The following CDC5L variants were observed in gnomAD, a reference collection of about 807,000 sequenced individuals.
CDC5L encodes cell division cycle 5-like protein.
In CDC5L, 18 loss-of-function variants were observed where a neutral mutation model predicts 104.1. The ratio of observed to expected loss-of-function variants is 0.17; its 90% CI spans 0.12 to 0.26. The LOEUF (loss-of-function observed/expected upper bound fraction) is 0.26. Ranked by LOEUF, CDC5L falls within the 10% of genes least tolerant of loss-of-function variation. CDC5L has a pLI of 1.00. For synonymous variants in CDC5L, 331 were observed against 322.7 expected, an observed-to-expected ratio of 1.03 and a Z score of -0.28; for missense variants, 673 against 956.9, an observed-to-expected ratio of 0.70 and a Z score of 3.91.
intron 14 of CDC5L, among the ~76,000 whole-genome samples, chr6:44,431,600 C>T (rs1238610975): frequency 6.6e-6 from 1 of 152,006 alleles, no homozygotes; most frequent in Non-Finnish European, 1.5e-5. Flanking sequence ...ACATTTTGTG[C>T]TTTTTTAAAT....
At chr6:44,393,596 T>G (rs1307952989) in intron 4 of CDC5L, 23 bp downstream of exon 4, 1 of 1,602,650 alleles carries the variant, frequency 6.2e-7, no homozygotes, top group Admixed American at 1.7e-5. Context: ...TTTGAGGAAT[T>G]TATTTCTTTG....
At position 44,396,357 on chromosome 6, in the gene CDC5L, T is replaced by C. The variant is rs1383297656; in HGVS notation, c.456T>C (p.Leu152=). 2.5e-6 allele frequency: 4 copies of C among 1,607,758 alleles called. No homozygotes were observed. The highest frequency in any genetic ancestry group is 3.4e-6 in the Non-Finnish European group (4 of 1,177,848). ...IDMDEDELEM[L]SEARARLANT... is the part of the protein sequence containing the mutation. Reference sequence around the variant, plus strand: ...TTTTTGCAGATGAACTTGAGATGCTTTCTGAAGCCAGAGCCCGCTTGGCTA... The same window carrying C: ...TTTTTGCAGATGAACTTGAGATGCTCTCTGAAGCCAGAGCCCGCTTGGCTA... The change falls in exon 5 of 16, where the codon CTT becomes CTC. Residue 152 remains leucine (L), a synonymous_variant. Transcript: ENST00000371477.
Position 44,393,496 on chromosome 6 carries a change from G to C in CDC5L, c.362G>C (p.Arg121Pro), listed in dbSNP as rs1266569848. ...GAAGAGGAAACAACAGATGATCCAC[G>C]AAAACTTAAACCTGGAGAAATAGAT... Reference protein sequence around the residue: ...DNEEETTDDPRKLKPGEIDPN... With the variant: ...DNEEETTDDPPKLKPGEIDPN... Residue 121 changes from arginine to proline, a missense_variant, in exon 4 of 16, where the codon CGA (arginine) becomes CCA (proline). Physicochemically the swap from Arg to Pro is moderately radical, Grantham distance 103. Around this residue, in one of 4 missense-constraint regions of CDC5L, gnomAD observed 74 missense variants for 123.5 expected, o/e 0.60. Transcript: ENST00000371477. 22 of 1,613,944 alleles carry C rather than the reference G, an allele frequency of 1.4e-5. No individual in the cohort carries two copies. The highest frequency in any genetic ancestry group is 1.9e-5 in the Non-Finnish European group (22 of 1,179,936).
chr6:44,409,337 A>T (rs1224158589), intron 8 of CDC5L, among the ~76,000 whole-genome samples: 1 of 152,180 alleles, frequency 6.6e-6, no homozygotes, highest in African/African-American at 2.4e-5. Context: ...GTAGAATTTG[A>T]CATTTGGCTT....
intron 8 of CDC5L, among the ~76,000 whole-genome samples, chr6:44,412,751 C>G (rs931615469): frequency 6.6e-6 from 1 of 150,820 alleles, no homozygotes; most frequent in Non-Finnish European, 1.5e-5. Flanking sequence ...AGTTGTATAA[C>G]CATCACCACA....
chr6:44,401,882 C>T (rs910468811), intron 5 of CDC5L, among the ~76,000 whole-genome samples: 1 of 145,144 alleles, frequency 6.9e-6, no homozygotes, highest in African/African-American at 2.5e-5. Flanking sequence ...TCAGTTCCCA[C>T]CTATGAGTGA....
intron 7 of CDC5L, 84 bp downstream of exon 7, chr6:44,406,551 C>T (rs1791372539): frequency 1.6e-6 from 2 of 1,231,538 alleles, no homozygotes; most frequent in African/African-American, 1.5e-5. Context: ...GGCCTGTGTA[C>T]CAGGTTTGTG....
At chr6:44,442,624 T>G (rs1357871878) in intron 14 of CDC5L, among the ~76,000 whole-genome samples, 1 of 152,190 alleles carries the variant, frequency 6.6e-6, no homozygotes, top group Non-Finnish European at 1.5e-5. Flanking sequence ...GATGTTATAC[T>G]TAAAATTTTT....
chr6:44,436,943 T>G (rs979396963), intron 14 of CDC5L, among the ~76,000 whole-genome samples: 1 of 152,240 alleles, frequency 6.6e-6, no homozygotes, highest in Non-Finnish European at 1.5e-5. Flanking sequence ...GAACTTCATT[T>G]TATTTAAGAC....
chr6:44,424,002 G>A (rs1324161320), intron 10 of CDC5L, among the ~76,000 whole-genome samples: 1 of 152,090 alleles, frequency 6.6e-6, no homozygotes, highest in South Asian at 2.1e-4. Flanking sequence ...TTTTTGGTTG[G>A]TCTTAATGTT....
chr6:44,430,020 C>A, intron 14 of CDC5L, 110 bp downstream of exon 14: 1 of 759,014 alleles, frequency 1.3e-6, no homozygotes, highest in Non-Finnish European at 2.1e-6. Context: ...TGCTTATTGC[C>A]TTTTTAGTTG....
At chr6:44,408,754 T>A in intron 8 of CDC5L, 122 bp downstream of exon 8, 2 of 566,052 alleles carry the variant, frequency 3.5e-6, no homozygotes, top group Non-Finnish European at 6.0e-6. Flanking sequence ...AACTGAGTCC[T>A]GAATGCATAG....
intron 14 of CDC5L, among the ~76,000 whole-genome samples, chr6:44,439,215 A>G (rs1256604490): frequency 6.6e-6 from 1 of 152,132 alleles, no homozygotes; most frequent in Admixed American, 6.5e-5. Flanking sequence ...GTACCATTCC[A>G]TTGTGTGGAT....
intron 5 of CDC5L, among the ~76,000 whole-genome samples, chr6:44,403,408 G>A (rs926861562): frequency 1.4e-5 from 2 of 142,424 alleles, no homozygotes; most frequent in African/African-American, 5.2e-5. Flanking sequence ...CCTACTATTT[G>A]CCTTTTAATT....
intron 1 of CDC5L, 74 bp downstream of exon 1, chr6:44,387,942 G>T (rs1561965056): frequency 2.1e-6 from 3 of 1,448,730 alleles, no homozygotes; most frequent in Non-Finnish European, 1.9e-6. Context: ...GCGGAGGTCG[G>T]GGGGGCGACG....
chr6:44,393,380 G>A (rs1383995641), intron 3 of CDC5L, 66 bp from the exon 4 acceptor site: 1 of 1,456,566 alleles, frequency 6.9e-7, no homozygotes, highest in African/African-American at 1.4e-5. Flanking sequence ...TCAGAACTTG[G>A]AAATCTGGTA....
chr6:44,389,701 A>T (rs1425776597), intron 1 of CDC5L, among the ~76,000 whole-genome samples: 2 of 152,030 alleles, frequency 1.3e-5, no homozygotes, highest in African/African-American at 4.8e-5. Flanking sequence ...AAGGGGCTGG[A>T]GGGGAAATGC....
intron 14 of CDC5L, among the ~76,000 whole-genome samples, chr6:44,442,988 G>T (rs932449293): frequency 7.4e-6 from 1 of 134,420 alleles, no homozygotes; most frequent in Non-Finnish European, 1.6e-5. Flanking sequence ...GGGTTGCTGG[G>T]TATAGTATTC....
intron 14 of CDC5L, among the ~76,000 whole-genome samples, chr6:44,440,398 T>C (rs923238115): frequency 4.6e-5 from 7 of 151,818 alleles, no homozygotes; most frequent in Admixed American, 4.6e-4. Flanking sequence ...TGCACCACCA[T>C]GCCTGGCTAA....
Sources: gnomAD v4.1 joint callset for allele counts (sites outside exome capture counted in the v4.1 genomes callset) on GRCh38, gnomAD v4.1.1 for gene constraint, gnomAD v4.1.1 regional missense constraint, MANE v1.5 for transcripts, NCBI Gene and HGNC (gene_info 2026-07-23, HGNC 2026-07-21) for gene names.